C7orf57: variants seen among roughly 807,000 people sequenced by gnomAD.
C7orf57 encodes uncharacterized protein C7orf57.
C7orf57 carries 33 observed loss-of-function variants against 39.0 expected under a neutral mutation model. The ratio of observed to expected loss-of-function variants is 0.85; its 90% CI spans 0.64 to 1.13. The LOEUF (loss-of-function observed/expected upper bound fraction) is 1.13. Among genes scored for constraint, C7orf57 ranks in the 50% most tolerant of loss-of-function variants. The probability of loss-of-function intolerance (pLI) is 0.00; values close to 1 mark genes in which losing one functional copy is unlikely to be tolerated. For missense variants in C7orf57, 346 were observed against 362.3 expected (o/e 0.95, Z 0.37); for synonymous variants, 124 against 137.1 (o/e 0.90, Z 0.67).
chr7:48,057,078 T>TC (rs1791138019), intron 8 of C7orf57, among the ~76,000 whole-genome samples: 1 of 147,718 alleles, frequency 6.8e-6, no homozygotes. Context: ...TTTTTTTTTT[T>TC]CTGTTTGCTC....
intron 6 of C7orf57, among the ~76,000 whole-genome samples, chr7:48,050,780 C>T (rs1790851524): frequency 6.6e-6 from 1 of 152,160 alleles, no homozygotes; most frequent in Non-Finnish European, 1.5e-5. Context: ...AGAAATCCTC[C>T]CACCTCAGCC....
Position 48,060,738 on chromosome 7 carries a change from A to T in C7orf57, c.*466A>T, listed in dbSNP as rs1000860079. The stretch of plus-strand genomic sequence containing the variant: ...GAATATGGTGATACAGTTTATGTTA[A>T]GAAACATATTTTAATTTATTATGCC... On this transcript the variant is annotated 3_prime_UTR_variant, in exon 9 of 9. Transcript: ENST00000348904. The T allele has an allele frequency of 5.9e-5, 9 of 152,384 alleles. No homozygotes were observed. Among genetic ancestry groups the T allele is most frequent in the African/African-American group, 2.2e-4 (9 of 41,476 alleles). The allele number at this position is 152,384 out of a possible 1,614,324, so 9.4% of individuals were successfully genotyped here. A position where few individuals can be genotyped will look rare whatever the true frequency, so the allele number is the denominator to read the frequency against.
rs1162463163 is a variant in C7orf57 at position 48,051,825 on chromosome 7, T to C, written c.606-875T>C. On this transcript the variant is annotated intron_variant, in intron 6 of 8. Transcript: ENST00000348904. Reference sequence around the variant, plus strand: ...TTCCTTCCTTTTCTCTTCTCTTTCTTTCTTTCTTTCTTTCTTTCTTTCTTT... The same window carrying C: ...TTCCTTCCTTTTCTCTTCTCTTTCTCTCTTTCTTTCTTTCTTTCTTTCTTT... Among the ~76,000 whole-genome samples the C allele has an allele frequency of 1.8e-4, 5 of 28,538 alleles. 1 individual carries two copies. Among genetic ancestry groups the C allele is most frequent in the African/African-American group, 5.6e-4 (3 of 5,336 alleles). 18.7% of individuals were successfully genotyped at this position (28,538 alleles called of 152,430 possible).
Position 48,054,580 on chromosome 7 carries a change from T to C in C7orf57, c.830-15T>C. ...GTTTCATTAACCTGAACAACGAATG[T>C]ACTTTTTATTACAGAGTCTTCTCAA... On this transcript the variant is annotated splice_polypyrimidine_tract_variant and intron_variant, in intron 7 of 8. Transcript: ENST00000348904. 1.3e-6 allele frequency: 2 copies of C among 1,545,988 alleles called. No homozygotes were observed. The highest frequency in any genetic ancestry group is 1.2e-5 in the South Asian group (1 of 83,866).
chr7:48,041,880 C>G (rs1790561160), intron 3 of C7orf57, among the ~76,000 whole-genome samples: 1 of 152,164 alleles, frequency 6.6e-6, no homozygotes, highest in Non-Finnish European at 1.5e-5. Context: ...CAATTCTTGT[C>G]TAATTGTGAA....
At chr7:48,037,473 G>A (rs1790410348) in intron 2 of C7orf57, among the ~76,000 whole-genome samples, 2 of 152,170 alleles carry the variant, frequency 1.3e-5, no homozygotes, top group African/African-American at 4.8e-5. Context: ...CCTAAAGCAG[G>A]AGCCTGTGCC....
chr7:48,035,692 T>A lies in C7orf57; in HGVS notation c.-102+62T>A. ...CACTGTGGTCCCGGGCCTTGTCCAC[T>A]GTGCGGAGCTCGCAGTGCGGGCAGT... is the stretch of plus-strand genomic sequence containing the variant. On this transcript the variant is annotated intron_variant, in intron 1 of 8. Transcript: ENST00000348904. The surrounding 1 kb of genome is among the most constrained non-coding windows in gnomAD (Gnocchi z 4.0). 1.7e-6 allele frequency: 1 copy of A among 598,402 alleles called. No homozygotes were observed. The highest frequency in any genetic ancestry group is 2.8e-5 in the Admixed American group (1 of 35,518). The allele number at this position is 598,402 out of a possible 1,614,324, so 37.1% of individuals were successfully genotyped here.
Position 48,046,597 on chromosome 7 carries a change from T to G in C7orf57, c.488T>G (p.Leu163Arg), listed in dbSNP as rs1442857459. 1.9e-6 allele frequency: 3 copies of G among 1,613,198 alleles called. No individual in the cohort carries two copies. Among genetic ancestry groups the G allele is most frequent in the Non-Finnish European group, 2.5e-6 (3 of 1,179,554 alleles). The change falls in exon 5 of 9, where the codon CTT becomes CGT. Residue 163 changes from leucine to arginine, a missense_variant. Leu to Arg is a moderately radical substitution (Grantham distance 102). Transcript: ENST00000348904. ...GTTTGGCAAAGAGAGGCTGAGGAAC[T>G]TGAAAAGGAGAAAAAAAAGGTGACG... ...KTVWQREAEE[L>R]EKEKKKLRLP...
chr7:48,047,181 A>G (rs2686784), intron 5 of C7orf57, among the ~76,000 whole-genome samples: 136,479 of 152,168 alleles, frequency 0.9, 61,385 homozygotes, highest in Non-Finnish European at 0.93. Context: ...AAGTCTTGAC[A>G]GGAGGACCTT....
At chr7:48,044,974 C>T (rs1328614536) in intron 4 of C7orf57, among the ~76,000 whole-genome samples, 1 of 152,184 alleles carries the variant, frequency 6.6e-6, no homozygotes, top group Non-Finnish European at 1.5e-5. Flanking sequence ...CTGCACACTG[C>T]CACATGGACT....
At chr7:48,053,579 G>A (rs566970128) in intron 7 of C7orf57, among the ~76,000 whole-genome samples, 56 of 152,134 alleles carry the variant, frequency 3.7e-4, no homozygotes, top group Admixed American at 1.1e-3. Context: ...AGTCTCCCAA[G>A]TAGCTGGGAC....
At chr7:48,045,573 G>A (rs1790690937) in intron 4 of C7orf57, among the ~76,000 whole-genome samples, 1 of 152,096 alleles carries the variant, frequency 6.6e-6, no homozygotes, top group African/African-American at 2.4e-5. Context: ...CCCACGCCTC[G>A]ACCTTGCCCT....
At chr7:48,054,885 TA>T (rs1158451694) in intron 8 of C7orf57, among the ~76,000 whole-genome samples, 5 of 151,822 alleles carry the variant, frequency 3.3e-5, no homozygotes, top group African/African-American at 7.3e-5. Flanking sequence ...TTATTATTAT[TA>T]TTTTTTTTGA....
Position 48,040,771 on chromosome 7 carries a change from C to T in C7orf57, c.56-563C>T, listed in dbSNP as rs570289077. Among the ~76,000 whole-genome samples, 6 of 152,234 alleles carry T rather than the reference C, an allele frequency of 3.9e-5. No individual in the cohort carries two copies. The East Asian group carries it at 1.2e-3, about 29-fold the overall frequency. ...GTGGACAGGCCTCTTTGACCACTCC[C>T]CAGTCCTACCTCTTCTCACTCTTGT... On this transcript the variant is annotated intron_variant, in intron 2 of 8. Coordinates refer to ENST00000348904, the MANE Select transcript of C7orf57 (RefSeq NM_001100159.3).
chr7:48,046,972 T>C (rs904903347), intron 5 of C7orf57, among the ~76,000 whole-genome samples: 1 of 152,194 alleles, frequency 6.6e-6, no homozygotes, highest in African/African-American at 2.4e-5. Flanking sequence ...TTTATTTAAG[T>C]ATTAAGAGTT....
chr7:48,036,080 G>A (rs1228772578), intron 1 of C7orf57, 128 bp from the exon 2 acceptor site: 8 of 606,948 alleles, frequency 1.3e-5, no homozygotes, highest in Non-Finnish European at 2.1e-5. Flanking sequence ...TACCTGGCGT[G>A]GACATGCCCC....
At chr7:48,036,431 C>A in intron 2 of C7orf57, 68 bp downstream of exon 2, 2 of 1,408,398 alleles carry the variant, frequency 1.4e-6, no homozygotes, top group Non-Finnish European at 1.9e-6. Flanking sequence ...GCTAGACACG[C>A]TGTGGACCCA....
chr7:48,039,639 C>T (rs939630562), intron 2 of C7orf57, among the ~76,000 whole-genome samples: 1 of 152,310 alleles, frequency 6.6e-6, no homozygotes, highest in East Asian at 1.9e-4. Context: ...TTCATAGACA[C>T]AGCTAAAATA....
At chr7:48,042,479 C>T (rs1790578869) in intron 3 of C7orf57, among the ~76,000 whole-genome samples, 1 of 152,058 alleles carries the variant, frequency 6.6e-6, no homozygotes, top group Admixed American at 6.6e-5. Flanking sequence ...GGCATTGTGT[C>T]TGCAACGCGC....
Sources: gnomAD v4.1 joint callset for allele counts (sites outside exome capture counted in the v4.1 genomes callset) on GRCh38, gnomAD v4.1.1 for gene constraint, Gnocchi (gnomAD v3.1) non-coding constraint, MANE v1.5 for transcripts, NCBI Gene and HGNC (gene_info 2026-07-23, HGNC 2026-07-21) for gene names.